The following RBM48 variants were observed in gnomAD, a reference collection of about 807,000 sequenced individuals.
The protein encoded by RBM48 is RNA-binding protein 48.
In RBM48, 32 loss-of-function variants were observed where a neutral mutation model predicts 34.8. The ratio of observed to expected loss-of-function variants is 0.92; its 90% CI spans 0.69 to 1.23. The LOEUF (loss-of-function observed/expected upper bound fraction) is 1.23, where lower values mean the gene tolerates loss of function less well. RBM48 is among the 50% of genes most tolerant of loss of function. The pLI is 0.00. For synonymous variants in RBM48, 151 were observed against 156.2 expected (o/e 0.97, Z 0.25); for missense variants, 441 against 447.2 (o/e 0.99, Z 0.12).
intron 3 of RBM48, among the ~76,000 whole-genome samples, chr7:92,533,112 C>CA (rs2116321246): frequency 6.6e-6 from 1 of 152,312 alleles, no homozygotes; most frequent in East Asian, 1.9e-4. Context: ...TAAATGCCCC[C>CA]ACATGCCTGT....
chr7:92,533,346 G>T (rs1316040724), intron 3 of RBM48, among the ~76,000 whole-genome samples: 2 of 152,088 alleles, frequency 1.3e-5, no homozygotes, highest in Non-Finnish European at 2.9e-5. Context: ...ATCTGACCTG[G>T]GTCCTAATTT....
chr7:92,534,360 T>G (rs1793649503), intron 3 of RBM48, 42 bp from the exon 4 acceptor site: 1 of 1,566,524 alleles, frequency 6.4e-7, no homozygotes, highest in Admixed American at 1.8e-5. Context: ...AATAAACCAC[T>G]TCTGTTTCCC....
Position 92,536,973 on chromosome 7 carries a change from CATTTATT to C in RBM48, c.*44_*50del. 7.1e-7 allele frequency: 1 copy of C among 1,411,448 alleles called. No homozygotes were observed. Among genetic ancestry groups the C allele is most frequent in the Non-Finnish European group, 9.6e-7 (1 of 1,040,412 alleles). The allele number at this position is 1,411,448 out of a possible 1,614,324, so 87.4% of individuals were successfully genotyped here. On this transcript the variant is annotated 3_prime_UTR_variant, in exon 5 of 5. Transcript: ENST00000265732. ...GCAACTTAGTATTTTCTAAAAAGAA[CATTTATT>C]ATTTATTTTTAGCCTGTCATTTTAA... is the stretch of plus-strand genomic sequence containing the variant.
At chr7:92,531,900 G>C (rs1162973291) in intron 2 of RBM48, among the ~76,000 whole-genome samples, 2 of 152,222 alleles carry the variant, frequency 1.3e-5, no homozygotes, top group Non-Finnish European at 2.9e-5. Flanking sequence ...GCCAGTCATA[G>C]ATGTTTAGTA....
Position 92,534,598 on chromosome 7 carries a change from G to T in RBM48, c.645G>T (p.Gly215=). 6.2e-7 allele frequency: 1 copy of T among 1,614,102 alleles called. No individual in the cohort carries two copies. The highest frequency in any genetic ancestry group is 8.5e-7 in the Non-Finnish European group (1 of 1,180,016). The change falls in exon 4 of 5, where the codon GGG becomes GGT. Residue 215 remains glycine, a synonymous_variant. Coordinates refer to ENST00000265732, the MANE Select transcript of RBM48 (RefSeq NM_032120.4). The part of the protein sequence containing the change: ...YFSSKCMCSS[G]GPVDRAPDSS... Reference sequence around the variant, plus strand: ...CCTCAAAATGTATGTGTTCATCCGGGGGACCTGTAGACAGAGCACCAGACT... The same window carrying T: ...CCTCAAAATGTATGTGTTCATCCGGTGGACCTGTAGACAGAGCACCAGACT...
In RBM48 at chr7:92,539,801, G is replaced by A. The variant is rs1335213845; in HGVS notation, c.*2864G>A. 6.6e-6 allele frequency among the ~76,000 whole-genome samples: 1 copy of A among 152,194 alleles called. No individual in the cohort carries two copies. The highest frequency in any genetic ancestry group is 2.4e-5 in the African/African-American group (1 of 41,462). ...CAAATCAATTATTAGACTGATACTT[G>A]CAGCTCAGAAAACTTTTGTCAGATG... On this transcript the variant is annotated 3_prime_UTR_variant, in exon 5 of 5. Transcript: ENST00000265732.
In RBM48 at chr7:92,538,754, G is replaced by A. The variant is rs1257383514; in HGVS notation, c.*1817G>A. Among the ~76,000 whole-genome samples the A allele has an allele frequency of 5.3e-5, 8 of 152,122 alleles. No individual in the cohort carries two copies. Among genetic ancestry groups the A allele is most frequent in the African/African-American group, 1.9e-4 (8 of 41,404 alleles). On this transcript the variant is annotated 3_prime_UTR_variant, in exon 5 of 5. Transcript: ENST00000265732. Reference sequence around the variant, plus strand: ...GTGGTGGCCAGGGGCTGTGGGGAGGGAAAATGAGGAGTTACGGTTTAATGG... The same window carrying A: ...GTGGTGGCCAGGGGCTGTGGGGAGGAAAAATGAGGAGTTACGGTTTAATGG...
chr7:92,531,084 GA>G (rs951092904), intron 2 of RBM48, among the ~76,000 whole-genome samples: 13 of 151,020 alleles, frequency 8.6e-5, no homozygotes, highest in Non-Finnish European at 1.8e-4. Flanking sequence ...TGTCTCAAAA[GA>G]AAAAAAAAGT....
intron 2 of RBM48, among the ~76,000 whole-genome samples, chr7:92,530,795 C>CA (rs577371763): frequency 1.9e-3 from 245 of 128,418 alleles, no homozygotes; most frequent in Middle Eastern, 4.3e-3. Flanking sequence ...GAGACTGTCT[C>CA]AAAAAAAAAA....
At chr7:92,535,979 A>G (rs1585279088) in intron 4 of RBM48, 4 of 387,176 alleles carry the variant, frequency 1.0e-5, no homozygotes, top group South Asian at 1.1e-4. Context: ...TACCATAAAT[A>G]TACAAAAATT....
At chr7:92,535,218 G>T in intron 4 of RBM48, 2 of 1,380,486 alleles carry the variant, frequency 1.4e-6, no homozygotes, top group Non-Finnish European at 1.9e-6. Flanking sequence ...TAAAGCAGTG[G>T]TTTCAGCCAA....
Position 92,539,014 on chromosome 7 carries a change from G to T in RBM48, c.*2077G>T, listed in dbSNP as rs1209413320. On this transcript the variant is annotated 3_prime_UTR_variant, in exon 5 of 5. Coordinates refer to ENST00000265732, the MANE Select transcript of RBM48 (RefSeq NM_032120.4). ...GTCAAGCAGCAAAACAAAACAAAAA[G>T]ATTCAAATTAAGTTGGTTTGGGTGG... Among the ~76,000 whole-genome samples the T allele has an allele frequency of 2.6e-5, 4 of 152,178 alleles. No individual in the cohort carries two copies. Among genetic ancestry groups the T allele is most frequent in the South Asian group, 2.1e-4 (1 of 4,826 alleles).
Position 92,536,900 on chromosome 7 carries a change from A to T in RBM48, c.1067A>T (p.His356Leu). 6.2e-7 allele frequency: 1 copy of T among 1,609,992 alleles called. No homozygotes were observed. Among genetic ancestry groups the T allele is most frequent in the Non-Finnish European group, 8.5e-7 (1 of 1,178,568 alleles). The change falls in exon 5 of 5, where the codon CAT (histidine) becomes CTT (leucine). Residue 356 changes from histidine to leucine, a missense_variant. Transcript: ENST00000265732. ...KPPEDKPEDV[H>L]TSHPLKQRRR... ...CCAGAGGACAAGCCAGAAGATGTAC[A>T]TACAAGTCATCCATTAAAACAAAGA...
rs1390688287 is a variant in RBM48 at position 92,535,490 on chromosome 7, T to C, written c.1017+520T>C. 8 of 990,318 alleles carry C rather than the reference T, an allele frequency of 8.1e-6. No homozygotes were observed. The East Asian group carries it at 7.8e-4, about 97-fold the overall frequency. The allele number at this position is 990,318 out of a possible 1,614,324, so 61.3% of individuals were successfully genotyped here. On this transcript the variant is annotated intron_variant, in intron 4 of 4. Transcript: ENST00000265732. ...GACTTCTTAAATGATCGGGATCAGA[T>C]TGTGCTGCCTAGGTAGTCTGTTTTT...
chr7:92,536,451 T>G, intron 4 of RBM48: 3 of 986,828 alleles, frequency 3.0e-6, no homozygotes, highest in Non-Finnish European at 3.6e-6. Flanking sequence ...AGGATTATAC[T>G]GCTTCCTGCT....
chr7:92,535,596 A>T (rs1454832904), intron 4 of RBM48: 1 of 985,402 alleles, frequency 1.0e-6, no homozygotes, highest in African/African-American at 1.7e-5. Flanking sequence ...TTTGAAAGAC[A>T]CCTTTTTGTG....
chr7:92,534,405 A>ATG lies in RBM48; in HGVS notation c.453_454insGT (p.Tyr152ValfsTer3). 8 of 1,608,596 alleles carry ATG rather than the reference A, an allele frequency of 5.0e-6. No homozygotes were observed. The highest frequency in any genetic ancestry group is 5.9e-6 in the Non-Finnish European group (7 of 1,177,438). Reference sequence around the variant, plus strand: ...ACTTTTAAATTGTAATATAAAGACCATTACGTGACAAAGAAGAAATTGGTT... The same window carrying ATG: ...ACTTTTAAATTGTAATATAAAGACCATGTTACGTGACAAAGAAGAAATTGGTT... On this transcript the variant is annotated frameshift_variant, in exon 4 of 5. Transcript: ENST00000265732. LOFTEE classifies it high-confidence loss of function.
At chr7:92,535,703 C>T (rs1282760945) in intron 4 of RBM48, 13 of 984,472 alleles carry the variant, frequency 1.3e-5, no homozygotes, top group Non-Finnish European at 1.6e-5. Context: ...TAGTTTTACT[C>T]ATATTTTACA....
chr7:92,529,282 G>A, intron 1 of RBM48, 194 bp from the exon 2 acceptor site: 1 of 584,038 alleles, frequency 1.7e-6, no homozygotes. Context: ...TCTGTTATAT[G>A]CCTTAGGTAG....
Sources: allele counts gnomAD v4.1 joint callset (sites outside exome capture counted in the v4.1 genomes callset), GRCh38; gene constraint gnomAD v4.1.1; transcripts MANE v1.5; gene names NCBI Gene and HGNC (gene_info 2026-07-23, HGNC 2026-07-21).